RASSF8: variants seen among roughly 807,000 people sequenced by gnomAD.
The protein encoded by RASSF8 is Ras association domain family member 8.
A neutral mutation model predicts 48.5 loss-of-function variants in RASSF8; 22 were observed. The observed-to-expected ratio is 0.45, with a 90% confidence interval of 0.32 to 0.65. RASSF8 has a LOEUF of 0.65. RASSF8 is among the 30% of genes least tolerant of loss of function. The probability of loss-of-function intolerance (pLI) is 0.03; values close to 1 mark genes in which losing one functional copy is unlikely to be tolerated. For missense variants in RASSF8, 418 were observed against 489.2 expected (o/e 0.85, Z 1.37); for synonymous variants, 127 against 171.5 (o/e 0.74, Z 2.03).
intron 1 of RASSF8, among the ~76,000 whole-genome samples, chr12:25,993,665 A>G (rs926600733): frequency 3.3e-5 from 5 of 152,186 alleles, no homozygotes; most frequent in Admixed American, 1.3e-4. Context: ...GTCCACAGAC[A>G]GGCTCTTTTG....
rs1255632177 is a variant in RASSF8, at chr12:26,071,153, A to C, written c.*2335A>C. ...AATTAGTTATATTACTTCTGGAAGCACATATCTAAGGAATATTTTCTAAGA... is the reference window on the plus strand; with the variant it reads ...AATTAGTTATATTACTTCTGGAAGCCCATATCTAAGGAATATTTTCTAAGA... On this transcript the variant is annotated 3_prime_UTR_variant, in exon 6 of 6. Transcript: ENST00000689635. The C allele has an allele frequency of 9.2e-6, 9 of 974,078 alleles. No individual in the cohort carries two copies. Among genetic ancestry groups the C allele is most frequent in the African/African-American group, 1.8e-5 (1 of 56,958 alleles). The allele number at this position is 974,078 out of a possible 1,614,324, so 60.3% of individuals were successfully genotyped here.
intron 2 of RASSF8, among the ~76,000 whole-genome samples, chr12:26,031,932 A>G (rs1943038637): frequency 6.6e-6 from 1 of 152,200 alleles, no homozygotes; most frequent in Admixed American, 6.5e-5. Context: ...CCTGTTTCTC[A>G]TCATCATGTT....
chr12:26,038,832 C>G (rs1277912103), intron 2 of RASSF8, among the ~76,000 whole-genome samples: 1 of 152,154 alleles, frequency 6.6e-6, no homozygotes, highest in Non-Finnish European at 1.5e-5. Flanking sequence ...CCTTTGTTTT[C>G]AAAGACAAAT....
intron 3 of RASSF8, 134 bp from the exon 4 acceptor site, chr12:26,064,364 G>T: frequency 1.2e-6 from 1 of 812,666 alleles, no homozygotes. Context: ...AGGTTTTAAA[G>T]GAACCTGAAC....
chr12:26,049,873 T>C (rs1404053569), intron 2 of RASSF8, among the ~76,000 whole-genome samples: 1 of 152,234 alleles, frequency 6.6e-6, no homozygotes, highest in East Asian at 1.9e-4. Flanking sequence ...AAGCTCCGCC[T>C]CCCAGGTTCA....
intron 2 of RASSF8, among the ~76,000 whole-genome samples, chr12:26,045,058 C>G (rs1468982091): frequency 6.6e-6 from 1 of 152,098 alleles, no homozygotes; most frequent in African/African-American, 2.4e-5. Context: ...ATTTAATTGG[C>G]TTAGATTTTC....
chr12:25,985,081 T>C (rs1941841150), intron 1 of RASSF8, among the ~76,000 whole-genome samples: 1 of 152,178 alleles, frequency 6.6e-6, no homozygotes. Flanking sequence ...TTATTGGTGG[T>C]TTTGACTCCC....
intron 2 of RASSF8, among the ~76,000 whole-genome samples, chr12:26,003,086 T>C (rs1021808954): frequency 6.6e-6 from 1 of 152,194 alleles, no homozygotes; most frequent in Non-Finnish European, 1.5e-5. Flanking sequence ...CCCAGCACCA[T>C]ATATTGAAGA....
At chr12:25,992,754 C>A (rs1218448558) in intron 1 of RASSF8, among the ~76,000 whole-genome samples, 2 of 152,134 alleles carry the variant, frequency 1.3e-5, no homozygotes, top group African/African-American at 4.8e-5. Context: ...GTGGAAAAAA[C>A]ACAGTGCCTG....
intron 2 of RASSF8, among the ~76,000 whole-genome samples, chr12:26,015,901 C>T (rs1366626114): frequency 3.3e-5 from 5 of 152,092 alleles, no homozygotes; most frequent in Admixed American, 2.6e-4. Context: ...CGGCACTTCT[C>T]TATAACTCTG....
rs1943946384 is a variant in RASSF8, at chr12:26,069,102, A to G, written c.*284A>G. ...TTTGAGAGCTTTAGGAAAGTATTAT[A>G]TAGTGTGTATACATAAATAAGCCGT... On this transcript the variant is annotated 3_prime_UTR_variant, in exon 6 of 6. Transcript: ENST00000689635. 5 of 1,047,604 alleles carry G rather than the reference A, an allele frequency of 4.8e-6. No homozygotes were observed. Among genetic ancestry groups the G allele is most frequent in the Non-Finnish European group, 4.6e-6 (4 of 868,998 alleles). The allele number at this position is 1,047,604 out of a possible 1,614,324, so 64.9% of individuals were successfully genotyped here.
chr12:26,024,441 G>A (rs1476774578), intron 2 of RASSF8, among the ~76,000 whole-genome samples: 2 of 152,148 alleles, frequency 1.3e-5, no homozygotes, highest in East Asian at 3.8e-4. Flanking sequence ...TCCAAAAGTA[G>A]GATAGAACAT....
intron 1 of RASSF8, among the ~76,000 whole-genome samples, chr12:25,986,994 G>C (rs1941899994): frequency 6.6e-6 from 1 of 151,936 alleles, no homozygotes; most frequent in Non-Finnish European, 1.5e-5. Flanking sequence ...GGAGTGCAAT[G>C]GCGCAATCTC....
At chr12:26,032,022 C>A (rs1317336793) in intron 2 of RASSF8, among the ~76,000 whole-genome samples, 1 of 152,102 alleles carries the variant, frequency 6.6e-6, no homozygotes. Context: ...AAGGAAACTT[C>A]CCATATCCCA....
intron 2 of RASSF8, among the ~76,000 whole-genome samples, chr12:26,023,664 C>CA (rs770619205): frequency 2.6e-4 from 39 of 147,566 alleles, no homozygotes; most frequent in South Asian, 4.3e-4. Context: ...GCATTAAAAA[C>CA]AAAAAAAACA....
At chr12:26,078,055 G>C (rs1944086819) in intron 5 of RASSF8, among the ~76,000 whole-genome samples, 1 of 152,132 alleles carries the variant, frequency 6.6e-6, no homozygotes, top group African/African-American at 2.4e-5. Context: ...CTGATGAGGA[G>C]GTGAATTAGG....
At chr12:26,013,452 G>A (rs1031092645) in intron 2 of RASSF8, among the ~76,000 whole-genome samples, 1 of 152,236 alleles carries the variant, frequency 6.6e-6, no homozygotes, top group Admixed American at 6.5e-5. Flanking sequence ...ACTCAAGTCC[G>A]CTGATTCTTT....
At position 26,059,341 on chromosome 12, in the gene RASSF8, A is replaced by G. The variant is rs113801544; in HGVS notation, c.103+3895A>G. On this transcript the variant is annotated intron_variant, in intron 3 of 5. Coordinates refer to ENST00000689635, the MANE Select transcript of RASSF8 (RefSeq NM_001394098.1). ...TCATTGAGAAGACAAGGAAAGAAAT[A>G]TGTACTTTGTCATATTTAACTCTTA... 1.9e-3 allele frequency among the ~76,000 whole-genome samples: 288 copies of G among 152,348 alleles called. 2 individuals carry two copies. The highest frequency in any genetic ancestry group is 3.4e-3 in the Non-Finnish European group (229 of 68,028).
chr12:26,070,623 TA>T lies in RASSF8; in HGVS notation c.*1811del. On this transcript the variant is annotated 3_prime_UTR_variant, in exon 6 of 6. Coordinates refer to ENST00000689635, the MANE Select transcript of RASSF8 (RefSeq NM_001394098.1). Reference sequence around the variant, plus strand: ...TACCTATATTTAAAATTAGGATGATTAAAAAATAATTTATAGATTTTGTGAC... The same window carrying T: ...TACCTATATTTAAAATTAGGATGATTAAAAATAATTTATAGATTTTGTGAC... The T allele has an allele frequency of 1.0e-6, 1 of 954,268 alleles. No individual in the cohort carries two copies. The highest frequency in any genetic ancestry group is 1.8e-5 in the African/African-American group (1 of 56,570). The allele number at this position is 954,268 out of a possible 1,614,324, so 59.1% of individuals were successfully genotyped here.
Sources: gnomAD v4.1 joint callset for allele counts (sites outside exome capture counted in the v4.1 genomes callset) on GRCh38, gnomAD v4.1.1 for gene constraint, MANE v1.5 for transcripts, NCBI Gene and HGNC (gene_info 2026-07-23, HGNC 2026-07-21) for gene names.